The following PDGFRA variants were observed in gnomAD, a reference collection of about 807,000 sequenced individuals.
PDGFRA encodes platelet derived growth factor receptor alpha.
In PDGFRA, 25 loss-of-function variants were observed where a neutral mutation model predicts 121.5. The observed-to-expected ratio is 0.21, with a 90% CI of 0.15 to 0.29. PDGFRA has a LOEUF of 0.29. PDGFRA is among the 10% of genes least tolerant of loss of function. The pLI, the probability that PDGFRA is intolerant of heterozygous loss-of-function variation, is 1.00. For missense variants in PDGFRA, 1,008 were observed against 1,345.1 expected (o/e 0.75, Z 3.92); for synonymous variants, 463 against 494.8 (o/e 0.94, Z 0.85).
intron 1 of PDGFRA, among the ~76,000 whole-genome samples, chr4:54,238,849 A>G (rs910367337): frequency 1.3e-5 from 2 of 152,116 alleles, no homozygotes; most frequent in Non-Finnish European, 2.9e-5. Flanking sequence ...GTGCAGGCCT[A>G]TAGTCCCAGC....
At chr4:54,290,631 A>G in intron 22 of PDGFRA, 77 bp downstream of exon 22, 2 of 1,514,458 alleles carry the variant, frequency 1.3e-6, no homozygotes, top group South Asian at 2.3e-5. Flanking sequence ...CATTTTCCCG[A>G]TAATGGTGCA....
chr4:54,261,500 A>C (rs1432384892), intron 3 of PDGFRA, 88 bp downstream of exon 3: 3 of 758,498 alleles, frequency 4.0e-6, no homozygotes, highest in Non-Finnish European at 6.4e-6. Flanking sequence ...ATATATAAAT[A>C]ATTAATATTT....
intron 11 of PDGFRA, 52 bp downstream of exon 11, chr4:54,274,677 A>G (rs753323960): frequency 1.3e-6 from 2 of 1,492,960 alleles, no homozygotes; most frequent in East Asian, 2.3e-5. Context: ...GAGAACAAGC[A>G]TAGCAACCTA....
intron 9 of PDGFRA, 38 bp from the exon 10 acceptor site, chr4:54,273,499 A>T (rs1467758800): frequency 1.9e-6 from 3 of 1,544,212 alleles, no homozygotes; most frequent in East Asian, 2.2e-5. Flanking sequence ...CATGACTCTC[A>T]GGAATTGGCC....
rs771421611 is a variant in PDGFRA at position 54,287,441 on chromosome 4, C to T, written c.2574C>T (p.Pro858=). ...CTCCTTCCTTGCAGACCTTTCTGCC[C>T]GTGAAGTGGATGGCTCCTGAGAGCA... ...NYVSKGSTFL[P]VKWMAPESIF... is the part of the protein sequence containing the mutation. The change falls in exon 19 of 23, where the codon CCC becomes CCT. Residue 858 remains proline, a synonymous_variant. Transcript: ENST00000257290. 17 of 1,443,458 alleles carry T rather than the reference C, an allele frequency of 1.2e-5. No individual in the cohort carries two copies. The highest frequency in any genetic ancestry group is 3.4e-5 in the South Asian group (3 of 87,686). 89.4% of individuals were successfully genotyped at this position (1,443,458 alleles called of 1,614,324 possible). A position where few individuals can be genotyped will look rare whatever the true frequency, so the allele number is the denominator to read the frequency against.
chr4:54,267,851 C>A, intron 7 of PDGFRA, 110 bp downstream of exon 7: 1 of 845,096 alleles, frequency 1.2e-6, no homozygotes. Flanking sequence ...GAAAATGTAA[C>A]AATCTGAGTT....
In PDGFRA at chr4:54,263,706, A is replaced by C. The variant is rs1326143004; in HGVS notation, c.407A>C (p.Tyr136Ser). 7 of 1,613,880 alleles carry C rather than the reference A, an allele frequency of 4.3e-6. No homozygotes were observed. The change falls in exon 4 of 23, where the codon TAT becomes TCT. Residue 136 changes from tyrosine (Y) to serine (S), a missense_variant. Tyr to Ser is a moderately radical substitution (Grantham distance 144, BLOSUM62 -2). Around this residue, in one of 5 missense-constraint regions of PDGFRA, gnomAD observed 575 missense variants for 701.8 expected, o/e 0.82. Coordinates refer to ENST00000257290, the MANE Select transcript of PDGFRA (RefSeq NM_006206.6). ...TTTGTACCTCTAGGAATGACGGATT[A>C]TTTAGTCATCGTGGAGGATGATGAT... ...VAFVPLGMTD[Y>S]LVIVEDDDSA...
intron 12 of PDGFRA, 77 bp downstream of exon 12, chr4:54,275,050 A>G: frequency 6.7e-7 from 1 of 1,489,146 alleles, no homozygotes; most frequent in Non-Finnish European, 9.3e-7. Context: ...CCTTGGCAGA[A>G]TAGAGATCTG....
At chr4:54,258,927 A>T in intron 2 of PDGFRA, 110 bp downstream of exon 2, 1 of 895,092 alleles carries the variant, frequency 1.1e-6, no homozygotes, top group Non-Finnish European at 1.9e-6. Context: ...CAAAAGAGTG[A>T]AAAGAAATAG....
At chr4:54,269,692 GA>G (rs1158849510) in intron 7 of PDGFRA, among the ~76,000 whole-genome samples, 1 of 149,426 alleles carries the variant, frequency 6.7e-6, no homozygotes, top group East Asian at 1.9e-4. Flanking sequence ...ACCCAGGCTG[GA>G]GTGCAGCGGT....
chr4:54,281,029 A>G (rs1190980604), intron 16 of PDGFRA, among the ~76,000 whole-genome samples: 1 of 152,110 alleles, frequency 6.6e-6, no homozygotes, highest in Non-Finnish European at 1.5e-5. Flanking sequence ...TTGCAGTTAT[A>G]TTTTCTGGAC....
chr4:54,278,733 G>T, intron 15 of PDGFRA: 1 of 659,648 alleles, frequency 1.5e-6, no homozygotes, highest in Non-Finnish European at 2.8e-6. Flanking sequence ...AGGCCTTGCT[G>T]ATAGGTTTGA....
rs28489067 is a variant in PDGFRA at position 54,267,769 on chromosome 4, C to T, written c.1121+28C>T. 232,966 of 1,592,174 alleles carry T rather than the reference C, an allele frequency of 0.15. 20,333 individuals carry two copies. Among genetic ancestry groups the T allele is most frequent in the Admixed American group, 0.37 (21,820 of 59,774 alleles). On this transcript the variant is annotated intron_variant, in intron 7 of 22. Transcript: ENST00000257290. The stretch of plus-strand genomic sequence containing the variant: ...AAAGAAACTCTCTGCCCAAGTATGC[C>T]TTTTTTTAGTGTGCATCAGAGGCGG...
intron 1 of PDGFRA, among the ~76,000 whole-genome samples, chr4:54,243,940 C>G (rs565795244): frequency 1.3e-5 from 2 of 152,220 alleles, no homozygotes; most frequent in African/African-American, 4.8e-5. Context: ...GAGGGTCCTA[C>G]GCCCACAGAG....
At position 54,263,886 on chromosome 4, in the gene PDGFRA, A is replaced by G. The variant is rs1722893191; in HGVS notation, c.587A>G (p.Lys196Arg). ...PYICEATVKG[K>R]KFQTIPFNVY... is the part of the protein sequence containing the mutation. ...ATCTGTGAGGCCACCGTCAAAGGAA[A>G]GAAGTTCCAGACCATCCCATTTAAT... Residue 196 changes from lysine (K) to arginine (R), a missense_variant, in exon 4 of 23, where the codon AAG becomes AGG. Physicochemically the swap from Lys to Arg is conservative, Grantham distance 26 (BLOSUM62 2). Coordinates refer to ENST00000257290, the MANE Select transcript of PDGFRA (RefSeq NM_006206.6). The G allele has an allele frequency of 6.2e-7, 1 of 1,614,118 alleles. No homozygotes were observed. Among genetic ancestry groups the G allele is most frequent in the Non-Finnish European group, 8.5e-7 (1 of 1,179,998 alleles).
intron 1 of PDGFRA, among the ~76,000 whole-genome samples, chr4:54,244,271 G>A (rs1721487011): frequency 6.6e-6 from 1 of 152,086 alleles, no homozygotes; most frequent in African/African-American, 2.4e-5. Flanking sequence ...TCCTCAAGTG[G>A]GTCCCTGACC....
chr4:54,294,290 C>G (rs1432897225), intron 22 of PDGFRA, among the ~76,000 whole-genome samples: 1 of 151,564 alleles, frequency 6.6e-6, no homozygotes, highest in Non-Finnish European at 1.5e-5. Flanking sequence ...TGTCTCAGAT[C>G]CTTTCTCAAT....
intron 5 of PDGFRA, among the ~76,000 whole-genome samples, chr4:54,266,411 C>CTT (rs552308043): frequency 5.4e-4 from 71 of 130,562 alleles, no homozygotes; most frequent in East Asian, 2.9e-3. Context: ...TTTCTTTTTT[C>CTT]TTTTTTTTTT....
chr4:54,242,039 G>A (rs1013424222), intron 1 of PDGFRA, among the ~76,000 whole-genome samples: 1 of 152,136 alleles, frequency 6.6e-6, no homozygotes, highest in Non-Finnish European at 1.5e-5. Context: ...TATAGCCTTT[G>A]CAAGTTCAAA....
Sources: allele counts gnomAD v4.1 joint callset (sites outside exome capture counted in the v4.1 genomes callset), GRCh38; gene constraint gnomAD v4.1.1; regional missense constraint gnomAD v4.1.1; transcripts MANE v1.5; gene names NCBI Gene and HGNC (gene_info 2026-07-23, HGNC 2026-07-21).